The following SNX13 variants were observed in gnomAD, a reference collection of about 807,000 sequenced individuals.
The protein encoded by SNX13 is sorting nexin-13.
In SNX13, 45 loss-of-function variants were observed where a neutral mutation model predicts 133.6. The observed-to-expected ratio is 0.34, with a 90% CI of 0.27 to 0.43. The LOEUF (loss-of-function observed/expected upper bound fraction) is 0.43, where lower values mean the gene tolerates loss of function less well. Ranked by LOEUF, SNX13 falls within the 20% of genes least tolerant of loss-of-function variation. The pLI is 1.00. For synonymous variants in SNX13, 414 were observed against 373.9 expected, an observed-to-expected ratio of 1.11 and a Z score of -1.24; for missense variants, 1,032 against 1,145.1, an observed-to-expected ratio of 0.90 and a Z score of 1.43.
intron 12 of SNX13, among the ~76,000 whole-genome samples, chr7:17,841,157 G>A (rs1347713832): frequency 4.6e-5 from 7 of 151,276 alleles, no homozygotes; most frequent in Non-Finnish European, 7.4e-5. Context: ...CAAATAGGCA[G>A]CCTTTGTTGT....
At chr7:17,824,458 A>G (rs940079899) in intron 17 of SNX13, among the ~76,000 whole-genome samples, 1 of 152,170 alleles carries the variant, frequency 6.6e-6, no homozygotes, top group South Asian at 2.1e-4. Context: ...CAAAAATCAA[A>G]TATGTTTACC....
chr7:17,793,924 A>T lies in SNX13; in HGVS notation c.*121T>A, dbSNP rs1335228827. 17 of 1,044,240 alleles carry T rather than the reference A, an allele frequency of 1.6e-5. No homozygotes were observed. Among genetic ancestry groups the T allele is most frequent in the Non-Finnish European group, 1.8e-5 (13 of 729,224 alleles). 64.7% of individuals were successfully genotyped at this position (1,044,240 alleles called of 1,614,324 possible). On this transcript the variant is annotated 3_prime_UTR_variant, in exon 26 of 26. Coordinates refer to ENST00000428135, the MANE Select transcript of SNX13 (RefSeq NM_015132.5). ...ACCACAGACTTATGGATGTATTAAT[A>T]ATCTATTTTGAGACACTAAAAGACT...
rs1396204093 is a variant in SNX13, at chr7:17,821,516, G to T, written c.1838C>A (p.Thr613Asn). The change falls in exon 18 of 26, where the codon ACT (threonine) becomes AAT (asparagine). Residue 613 changes from threonine to asparagine, a missense_variant. Thr to Asn is a moderately conservative substitution (Grantham distance 65, BLOSUM62 0). Transcript: ENST00000428135. Reference protein sequence around the residue: ...SDFHDFHMRITEQFESLSSIL... With the variant: ...SDFHDFHMRINEQFESLSSIL... ...TTTTTAAAACTTCATTACCTGTTCA[G>T]TGATTCTCATGTGGAAGTCATGGAA... is the stretch of plus-strand genomic sequence containing the variant. 6.2e-7 allele frequency: 1 copy of T among 1,610,928 alleles called. No individual in the cohort carries two copies. The highest frequency in any genetic ancestry group is 1.3e-5 in the African/African-American group (1 of 74,862).
rs541428732 is a variant in SNX13, at chr7:17,868,761, T to A, written c.754-271A>T. On this transcript the variant is annotated intron_variant, in intron 8 of 25. Coordinates refer to ENST00000428135, the MANE Select transcript of SNX13 (RefSeq NM_015132.5). Reference sequence around the variant, plus strand: ...AGATGATACCTCTAGTATGTTAGCATTGATGTCAATTTTAAAAAGACAAAA... The same window carrying A: ...AGATGATACCTCTAGTATGTTAGCAATGATGTCAATTTTAAAAAGACAAAA... Among the ~76,000 whole-genome samples, 35 of 152,208 alleles carry A rather than the reference T, an allele frequency of 2.3e-4. 1 individual carries two copies. In the South Asian group the frequency reaches 5.8e-3, roughly 25 times the overall value.
At position 17,791,194 on chromosome 7, in the gene SNX13, A is replaced by C. The variant is rs912164677; in HGVS notation, c.*2851T>G. ...AAATTCATTTATCTTACAATTACTC[A>C]AATACACATGCATTAAATGAAAATA... On this transcript the variant is annotated 3_prime_UTR_variant, in exon 26 of 26. Transcript: ENST00000428135. The C allele has an allele frequency of 1.3e-5, 2 of 151,998 alleles. No individual in the cohort carries two copies. The highest frequency in any genetic ancestry group is 2.9e-5 in the Non-Finnish European group (2 of 67,888). 9.4% of individuals were successfully genotyped at this position (151,998 alleles called of 1,614,324 possible). A position where few individuals can be genotyped will look rare whatever the true frequency, so the allele number is the denominator to read the frequency against.
At chr7:17,898,553 G>A in intron 1 of SNX13, among the ~76,000 whole-genome samples, 1 of 152,146 alleles carries the variant, frequency 6.6e-6, no homozygotes, top group East Asian at 1.9e-4. Context: ...CTACATTCTA[G>A]TAAGGAAAGA....
At chr7:17,929,715 TTTTCA>T (rs1467091409) in intron 1 of SNX13, among the ~76,000 whole-genome samples, 2 of 152,216 alleles carry the variant, frequency 1.3e-5, no homozygotes, top group Admixed American at 6.5e-5. Context: ...CAATCTTTCC[TTTTCA>T]TTTCATCTAC....
intron 9 of SNX13, among the ~76,000 whole-genome samples, chr7:17,852,372 CAAAAA>C (rs953695635): frequency 6.7e-6 from 1 of 148,476 alleles, no homozygotes; most frequent in Non-Finnish European, 1.5e-5. Flanking sequence ...GATTCCGTCT[CAAAAA>C]GAAAAGAAAA....
intron 1 of SNX13, chr7:17,900,383 T>C (rs1346359964): frequency 1.3e-5 from 2 of 152,378 alleles, no homozygotes; most frequent in East Asian, 3.9e-4. Context: ...GATAGGCTTG[T>C]GTCCTTCCCT....
At chr7:17,828,382 G>A (rs1235829984) in intron 16 of SNX13, among the ~76,000 whole-genome samples, 1 of 151,638 alleles carries the variant, frequency 6.6e-6, no homozygotes, top group Non-Finnish European at 1.5e-5. Context: ...TTGTAAGAAA[G>A]TGTTTTTTAA....
At chr7:17,835,001 G>C in intron 13 of SNX13, 136 bp from the exon 14 acceptor site, 1 of 549,240 alleles carries the variant, frequency 1.8e-6, no homozygotes, top group Non-Finnish European at 3.2e-6. Context: ...ACGACACCTT[G>C]ATGTTTAAGA....
In SNX13 at chr7:17,791,439, A is replaced by G. The variant is rs1290121305; in HGVS notation, c.*2606T>C. ...AAGTGCATCCATTGGTCAATGGCAC[A>G]ATTGATTTCAGCAACTATTTGGAAT... On this transcript the variant is annotated 3_prime_UTR_variant, in exon 26 of 26. Coordinates refer to ENST00000428135, the MANE Select transcript of SNX13 (RefSeq NM_015132.5). The G allele has an allele frequency of 6.6e-6, 1 of 151,724 alleles. No individual in the cohort carries two copies. The highest frequency in any genetic ancestry group is 1.5e-5 in the Non-Finnish European group (1 of 67,780). 9.4% of individuals were successfully genotyped at this position (151,724 alleles called of 1,614,324 possible).
intron 5 of SNX13, chr7:17,879,780 T>G (rs1463422102): frequency 2.0e-5 from 3 of 152,202 alleles, no homozygotes; most frequent in Non-Finnish European, 4.4e-5. Flanking sequence ...ACAGATGCCT[T>G]TGATTCTAAC....
At chr7:17,872,803 G>C (rs1014791972) in intron 8 of SNX13, among the ~76,000 whole-genome samples, 1 of 152,096 alleles carries the variant, frequency 6.6e-6, no homozygotes, top group Non-Finnish European at 1.5e-5. Context: ...TTCACGTTAC[G>C]CATTCAACCA....
chr7:17,917,777 C>G (rs1199634572), intron 1 of SNX13, among the ~76,000 whole-genome samples: 1 of 152,092 alleles, frequency 6.6e-6, no homozygotes, highest in African/African-American at 2.4e-5. Flanking sequence ...CATCATTTTT[C>G]ACAGAGTTAG....
chr7:17,886,290 G>A (rs1306303775), intron 5 of SNX13, among the ~76,000 whole-genome samples: 1 of 151,828 alleles, frequency 6.6e-6, no homozygotes, highest in Admixed American at 6.6e-5. Context: ...ACTTTCGCTG[G>A]GGGGCACAGT....
rs373949933 is a variant in SNX13, at chr7:17,825,517, C to T, written c.1705+505G>A. On this transcript the variant is annotated intron_variant, in intron 17 of 25. Coordinates refer to ENST00000428135, the MANE Select transcript of SNX13 (RefSeq NM_015132.5). ...CAATGATGAAAACTGGTTATTTTTC[C>T]GAATTTACTAACAATTCTTCACATA... Among the ~76,000 whole-genome samples, 27 of 152,138 alleles carry T rather than the reference C, an allele frequency of 1.8e-4. No individual in the cohort carries two copies. The South Asian group carries it at 5.0e-3, about 28-fold the overall frequency.
intron 8 of SNX13, among the ~76,000 whole-genome samples, chr7:17,871,109 C>T (rs879373244): frequency 6.6e-6 from 1 of 151,832 alleles, no homozygotes; most frequent in African/African-American, 2.4e-5. Flanking sequence ...GGGTTCATGC[C>T]ATTCTCCTGC....
At chr7:17,895,941 A>G (rs1440952794) in intron 2 of SNX13, among the ~76,000 whole-genome samples, 1 of 152,134 alleles carries the variant, frequency 6.6e-6, no homozygotes, top group Admixed American at 6.6e-5. Flanking sequence ...TTTTCCTTCA[A>G]TCTTACAAGG....
Sources: gnomAD v4.1 joint callset for allele counts (sites outside exome capture counted in the v4.1 genomes callset) on GRCh38, gnomAD v4.1.1 for gene constraint, MANE v1.5 for transcripts, NCBI Gene and HGNC (gene_info 2026-07-23, HGNC 2026-07-21) for gene names.